Variants in DOP1B observed in about 807,000 individuals in gnomAD.
DOP1B encodes protein DOP1B.
A neutral mutation model predicts 233.5 loss-of-function variants in DOP1B; 174 were observed. The ratio of observed to expected loss-of-function variants is 0.75; its 90% confidence interval spans 0.66 to 0.85. The LOEUF (loss-of-function observed/expected upper bound fraction) is 0.85, where lower values mean the gene tolerates loss of function less well. Among genes scored for constraint, DOP1B ranks in the 40% least tolerant of loss-of-function variants. The probability of loss-of-function intolerance (pLI) is 0.00; values close to 1 mark genes in which losing one functional copy is unlikely to be tolerated. For synonymous variants in DOP1B, 1,190 were observed against 1,185.6 expected (o/e 1.00, Z -0.08); for missense variants, 2,652 against 2,846.6 (o/e 0.93, Z 1.56).
At chr21:36,285,145 C>T (rs546379750) in intron 32 of DOP1B, among the ~76,000 whole-genome samples, 3 of 151,890 alleles carry the variant, frequency 2.0e-5, no homozygotes, top group African/African-American at 4.8e-5. Flanking sequence ...CTGCAACCTC[C>T]GCCTCCTAGG....
chr21:36,203,318 G>A (rs777983550), intron 4 of DOP1B, among the ~76,000 whole-genome samples: 2 of 152,224 alleles, frequency 1.3e-5, no homozygotes, highest in African/African-American at 2.4e-5. Flanking sequence ...CTGAGCCAGT[G>A]TGTTGCAGCC....
intron 13 of DOP1B, among the ~76,000 whole-genome samples, chr21:36,229,661 C>CTTTTTTT: frequency 7.8e-6 from 1 of 127,714 alleles, no homozygotes; most frequent in Non-Finnish European, 1.6e-5. Context: ...CTTGCTTTAC[C>CTTTTTTT]TTTTTTTTTT....
chr21:36,169,779 G>T (rs2123402753), intron 2 of DOP1B: 2 of 1,261,550 alleles, frequency 1.6e-6, no homozygotes, highest in East Asian at 2.3e-5. Context: ...GCCATTTCTT[G>T]CAGTACTTGG....
chr21:36,211,721 T>G (rs2066500631), intron 6 of DOP1B, 70 bp downstream of exon 6: 2 of 1,518,874 alleles, frequency 1.3e-6, no homozygotes, highest in Admixed American at 3.4e-5. Context: ...TCTCAAGCAG[T>G]TCTGTCGTAC....
In DOP1B at chr21:36,245,979, C is replaced by G; in HGVS notation, c.3999C>G (p.Val1333=). Residue 1333 remains valine (V), a synonymous_variant, in exon 19 of 37, where the codon GTC becomes GTG. Coordinates refer to ENST00000691173, the MANE Select transcript of DOP1B (RefSeq NM_001320714.2). This position sits in a 1 kb window ranked among gnomAD's most constrained non-coding sequence, Gnocchi z 5.5. ...LRSYYPCYLK[V]SHRDILGNRD... ...CCTACTACCCTTGCTATTTGAAGGT[C>G]TCGCACCGAGACATTCTCGGCAACC... The G allele has an allele frequency of 6.2e-7, 1 of 1,614,104 alleles. No individual in the cohort carries two copies. The highest frequency in any genetic ancestry group is 8.5e-7 in the Non-Finnish European group (1 of 1,180,022).
At position 36,169,833 on chromosome 21, in the gene DOP1B, C is replaced by G. The variant is rs1004924681; in HGVS notation, c.138+4962C>G. 10 of 964,750 alleles carry G rather than the reference C, an allele frequency of 1.0e-5. No homozygotes were observed. The African/African-American group carries it at 1.4e-4, about 14-fold the overall frequency. The allele number at this position is 964,750 out of a possible 1,614,324, so 59.8% of individuals were successfully genotyped here. A position where few individuals can be genotyped will look rare whatever the true frequency, so the allele number is the denominator to read the frequency against. On this transcript the variant is annotated intron_variant, in intron 2 of 36. Coordinates refer to ENST00000691173, the MANE Select transcript of DOP1B (RefSeq NM_001320714.2). ...ATTTATGCCGGTTGTTAGAGAAACACCTTTTGCACTCATCGTTGATGTGCT... is the reference window on the plus strand; with the variant it reads ...ATTTATGCCGGTTGTTAGAGAAACAGCTTTTGCACTCATCGTTGATGTGCT...
chr21:36,265,455 C>G (rs542693897), intron 26 of DOP1B, among the ~76,000 whole-genome samples: 1 of 152,266 alleles, frequency 6.6e-6, no homozygotes, highest in African/African-American at 2.4e-5. Context: ...ATTCCAGTGC[C>G]TCCTCCTTTG....
At chr21:36,291,027 G>A (rs922756777) in intron 35 of DOP1B, among the ~76,000 whole-genome samples, 86 of 151,888 alleles carry the variant, frequency 5.7e-4, no homozygotes, top group African/African-American at 2.0e-3. Flanking sequence ...ACTTTGGGAG[G>A]CCGAGGCAGG....
chr21:36,196,021 C>T (rs777851913), intron 2 of DOP1B, among the ~76,000 whole-genome samples: 2 of 152,236 alleles, frequency 1.3e-5, no homozygotes, highest in African/African-American at 2.4e-5. Flanking sequence ...AAGTATGTCA[C>T]GTTGCCGTGC....
chr21:36,248,619 C>T (rs772105729), intron 21 of DOP1B, 51 bp downstream of exon 21: 5 of 1,522,006 alleles, frequency 3.3e-6, no homozygotes, highest in South Asian at 2.6e-5. Context: ...TGTATTGTTC[C>T]ACCCAAAATA....
At chr21:36,236,777 C>CTTTTTTTTTT (rs35374710) in intron 15 of DOP1B, among the ~76,000 whole-genome samples, 1 of 118,572 alleles carries the variant, frequency 8.4e-6, no homozygotes, top group African/African-American at 3.2e-5. Context: ...TTTTCTTTTT[C>CTTTTTTTTTT]TTTTTTTTTT....
At chr21:36,251,884 AAG>A (rs1291612632) in intron 22 of DOP1B, among the ~76,000 whole-genome samples, 2 of 143,988 alleles carry the variant, frequency 1.4e-5, no homozygotes, top group Non-Finnish European at 3.2e-5. Context: ...AAATACATAT[AAG>A]AGTATATATA....
At chr21:36,172,274 G>A (rs961389065) in intron 2 of DOP1B, among the ~76,000 whole-genome samples, 1 of 152,112 alleles carries the variant, frequency 6.6e-6, no homozygotes, top group East Asian at 1.9e-4. Flanking sequence ...AGAATTCCCC[G>A]GGCCGTCAGC....
At chr21:36,282,194 G>T (rs1461889577) in intron 32 of DOP1B, among the ~76,000 whole-genome samples, 2 of 152,158 alleles carry the variant, frequency 1.3e-5, no homozygotes, top group East Asian at 3.9e-4. Flanking sequence ...GCCCAGGTGG[G>T]TGGATGACTT....
chr21:36,289,349 C>G, intron 35 of DOP1B, 143 bp downstream of exon 35: 4 of 837,034 alleles, frequency 4.8e-6, no homozygotes, highest in South Asian at 1.6e-5. Flanking sequence ...CTCGGAATAC[C>G]AAGTTTCAGA....
At chr21:36,193,859 T>G (rs2066260306) in intron 2 of DOP1B, among the ~76,000 whole-genome samples, 1 of 152,180 alleles carries the variant, frequency 6.6e-6, no homozygotes, top group Non-Finnish European at 1.5e-5. Flanking sequence ...GTCTCCATCT[T>G]TAAATATTCT....
At chr21:36,165,083 C>A (rs1326455852) in intron 2 of DOP1B, among the ~76,000 whole-genome samples, 3 of 151,648 alleles carry the variant, frequency 2.0e-5, no homozygotes, top group African/African-American at 4.8e-5. Context: ...AAGAAAAAAA[C>A]CACTCATAAT....
In DOP1B at chr21:36,292,089, G is replaced by C. The variant is rs1036389456; in HGVS notation, c.6516-15G>C. ...CTCTTACCAGCAGACCTGACCTTCT[G>C]TTTGTTCCCTGCAGTTATAGGTGGG... is the stretch of plus-strand genomic sequence containing the variant. On this transcript the variant is annotated splice_polypyrimidine_tract_variant and intron_variant, in intron 35 of 36. Transcript: ENST00000691173. 1 of 1,584,670 alleles carries C rather than the reference G, an allele frequency of 6.3e-7. No homozygotes were observed. The highest frequency in any genetic ancestry group is 8.5e-7 in the Non-Finnish European group (1 of 1,171,482).
chr21:36,261,441 A>G, intron 24 of DOP1B: 1 of 985,870 alleles, frequency 1.0e-6, no homozygotes, highest in Non-Finnish European at 1.2e-6. Context: ...TTTTATGTGG[A>G]GAGGTATCTG....
Sources: gnomAD v4.1 joint callset for allele counts (sites outside exome capture counted in the v4.1 genomes callset) on GRCh38, gnomAD v4.1.1 for gene constraint, Gnocchi (gnomAD v3.1) non-coding constraint, MANE v1.5 for transcripts, NCBI Gene and HGNC (gene_info 2026-07-23, HGNC 2026-07-21) for gene names.